Variants in DSCAML1 observed in about 807,000 individuals in gnomAD.
The protein encoded by DSCAML1 is DS cell adhesion molecule like 1.
Under a neutral mutation model 200.5 loss-of-function variants are expected in DSCAML1, and 38 were observed. That is an observed-to-expected ratio of 0.19 (90% confidence interval 0.15 to 0.25). The LOEUF (loss-of-function observed/expected upper bound fraction) is 0.25, where lower values mean the gene tolerates loss of function less well. Among genes scored for constraint, DSCAML1 ranks in the 10% least tolerant of loss-of-function variants. The pLI, the probability that DSCAML1 is intolerant of heterozygous loss-of-function variation, is 1.00. For synonymous variants in DSCAML1, 1,215 were observed against 1,165.0 expected (o/e 1.04, Z -0.87); for missense variants, 2,223 against 2,858.8 (o/e 0.78, Z 5.07).
intron 21 of DSCAML1, among the ~76,000 whole-genome samples, chr11:117,442,594 T>C (rs2048091283): frequency 6.6e-6 from 1 of 152,086 alleles, no homozygotes; most frequent in Non-Finnish European, 1.5e-5. Context: ...TGACGCTGTG[T>C]GAATGTGTTC....
chr11:117,624,556 AG>A (rs1390409329), intron 3 of DSCAML1, among the ~76,000 whole-genome samples: 1 of 151,500 alleles, frequency 6.6e-6, no homozygotes, highest in Non-Finnish European at 1.5e-5. Context: ...AGTATGGGTG[AG>A]ATAGTCCTTT....
chr11:117,790,872 T>C (rs1004000080), intron 1 of DSCAML1, among the ~76,000 whole-genome samples: 1 of 152,176 alleles, frequency 6.6e-6, no homozygotes, highest in African/African-American at 2.4e-5. Context: ...CAGACACACA[T>C]ACACACATGC....
In DSCAML1 at chr11:117,433,274, G is replaced by C. The variant is rs748544495; in HGVS notation, c.4908-18C>G. Reference sequence around the variant, plus strand: ...TGTTCTTGCTGTGGGGAGAAAGACTGGAGGTGGTGGCTCAGCAGCCATAAG... The same window carrying C: ...TGTTCTTGCTGTGGGGAGAAAGACTCGAGGTGGTGGCTCAGCAGCCATAAG... On this transcript the variant is annotated intron_variant, in intron 28 of 32. Coordinates refer to ENST00000651296, the MANE Select transcript of DSCAML1 (RefSeq NM_020693.4). 14 of 1,599,220 alleles carry C rather than the reference G, an allele frequency of 8.8e-6. No individual in the cohort carries two copies. The highest frequency in any genetic ancestry group is 1.3e-5 in the African/African-American group (1 of 74,356).
chr11:117,560,622 T>TA (rs886131961), intron 3 of DSCAML1, among the ~76,000 whole-genome samples: 7 of 152,152 alleles, frequency 4.6e-5, no homozygotes, highest in Admixed American at 6.5e-5. Flanking sequence ...CCTCATGGCT[T>TA]TGCTTCTGTA....
intron 20 of DSCAML1, among the ~76,000 whole-genome samples, chr11:117,447,478 A>G (rs569524465): frequency 6.6e-6 from 1 of 151,134 alleles, no homozygotes; most frequent in African/African-American, 2.5e-5. Context: ...GTTTATCTGT[A>G]GGAAGTACAT....
intron 11 of DSCAML1, among the ~76,000 whole-genome samples, chr11:117,491,603 G>A (rs139965948): frequency 7.8e-4 from 119 of 152,250 alleles, no homozygotes; most frequent in Non-Finnish European, 1.4e-3. Flanking sequence ...AACATGGCCC[G>A]TCTCTACTAA....
chr11:117,800,907 C>T (rs2055651128), upstream of DSCAML1: 1 of 152,108 alleles, frequency 6.6e-6, no homozygotes, highest in South Asian at 2.1e-4. Flanking sequence ...GGATACTTTT[C>T]TTCAAAAACA....
intron 3 of DSCAML1, among the ~76,000 whole-genome samples, chr11:117,757,951 T>C (rs2054725223): frequency 6.6e-6 from 1 of 151,928 alleles, no homozygotes; most frequent in Non-Finnish European, 1.5e-5. Flanking sequence ...GATGGCGCCA[T>C]TGCATCCAGC....
intron 4 of DSCAML1, among the ~76,000 whole-genome samples, chr11:117,530,087 CTT>C (rs910469959): frequency 7.2e-5 from 11 of 152,148 alleles, no homozygotes; most frequent in African/African-American, 2.4e-4. Context: ...GGGCCTCTCT[CTT>C]GTCTGTCGGT....
At chr11:117,670,363 A>T (rs2053078864) in intron 3 of DSCAML1, among the ~76,000 whole-genome samples, 1 of 152,076 alleles carries the variant, frequency 6.6e-6, no homozygotes, top group African/African-American at 2.4e-5. Context: ...AAATCCACTC[A>T]TTCATTGATT....
chr11:117,488,802 T>C (rs1222682554), intron 11 of DSCAML1, among the ~76,000 whole-genome samples: 1 of 152,248 alleles, frequency 6.6e-6, no homozygotes, highest in African/African-American at 2.4e-5. Flanking sequence ...TTCCCTTTTA[T>C]TGGGTGCTTA....
chr11:117,528,420 C>G (rs1253009259), intron 4 of DSCAML1, among the ~76,000 whole-genome samples: 2 of 152,178 alleles, frequency 1.3e-5, no homozygotes, highest in Non-Finnish European at 1.5e-5. Flanking sequence ...AATGCTGCGG[C>G]GTGTACATGG....
intron 8 of DSCAML1, among the ~76,000 whole-genome samples, chr11:117,507,429 G>C (rs1192217228): frequency 6.6e-6 from 1 of 152,178 alleles, no homozygotes; most frequent in Non-Finnish European, 1.5e-5. Flanking sequence ...CACTTTCAGG[G>C]CTCAAAAGGG....
At chr11:117,454,959 T>C (rs1261694386) in intron 19 of DSCAML1, among the ~76,000 whole-genome samples, 2 of 152,188 alleles carry the variant, frequency 1.3e-5, no homozygotes, top group Non-Finnish European at 2.9e-5. Context: ...CTCTAGCTCA[T>C]GTCTTTCTAG....
chr11:117,783,553 A>T (rs573683949), intron 1 of DSCAML1, among the ~76,000 whole-genome samples: 40 of 152,174 alleles, frequency 2.6e-4, no homozygotes, highest in Non-Finnish European at 5.1e-4. Context: ...TATTTATATT[A>T]TACAGATATT....
In DSCAML1 at chr11:117,498,686, G is replaced by C. The variant is rs1230869522; in HGVS notation, c.2359+5159C>G. ...ATCATGGTGGGTGACCTGGTCCACG[G>C]AGGCCCGAGGGCTTCCTTTGCTAGG... On this transcript the variant is annotated intron_variant, in intron 11 of 32. Coordinates refer to ENST00000651296, the MANE Select transcript of DSCAML1 (RefSeq NM_020693.4). This position sits in a 1 kb window ranked among gnomAD's most constrained non-coding sequence, Gnocchi z 4.0. Among the ~76,000 whole-genome samples the C allele has an allele frequency of 3.3e-5, 5 of 152,152 alleles. No individual in the cohort carries two copies. Among genetic ancestry groups the C allele is most frequent in the Non-Finnish European group, 5.9e-5 (4 of 68,020 alleles).
chr11:117,441,385 C>T (rs1054452636), intron 21 of DSCAML1, among the ~76,000 whole-genome samples: 1 of 152,148 alleles, frequency 6.6e-6, no homozygotes, highest in Non-Finnish European at 1.5e-5. Flanking sequence ...AGTCAGCAGG[C>T]ATGATGAGGC....
rs116974526 is a variant in DSCAML1, at chr11:117,765,563, G to A, written c.511+11228C>T. On this transcript the variant is annotated intron_variant, in intron 3 of 32. Coordinates refer to ENST00000651296, the MANE Select transcript of DSCAML1 (RefSeq NM_020693.4). ...ATTCCTCACAGAGACCTCCCAGGCC[G>A]CACAGCAAAGACTACTAATGCTGGG... 2.2e-3 allele frequency among the ~76,000 whole-genome samples: 328 copies of A among 152,278 alleles called. 3 individuals carry two copies. The highest frequency in any genetic ancestry group is 0.015 in the East Asian group (76 of 5,184).
intron 3 of DSCAML1, among the ~76,000 whole-genome samples, chr11:117,769,539 T>TA (rs746285466): frequency 1.4e-5 from 1 of 70,032 alleles, no homozygotes; most frequent in Non-Finnish European, 2.4e-5. Flanking sequence ...TTTATATATA[T>TA]TATATATTTT....
Sources: gnomAD v4.1 joint callset for allele counts (sites outside exome capture counted in the v4.1 genomes callset) on GRCh38, gnomAD v4.1.1 for gene constraint, Gnocchi (gnomAD v3.1) non-coding constraint, MANE v1.5 for transcripts, NCBI Gene and HGNC (gene_info 2026-07-23, HGNC 2026-07-21) for gene names.